The following TPP2 variants were observed in gnomAD, a reference collection of about 807,000 sequenced individuals.
TPP2 encodes tripeptidyl peptidase 2.
A neutral mutation model predicts 155.9 loss-of-function variants in TPP2; 34 were observed. That is an observed-to-expected ratio of 0.22 (90% confidence interval 0.17 to 0.29). The LOEUF is 0.29. Ranked by LOEUF, TPP2 falls within the 10% of genes least tolerant of loss-of-function variation. TPP2 has a pLI of 1.00. For missense variants in TPP2, 1,028 were observed against 1,522.3 expected, an observed-to-expected ratio of 0.68 and a Z score of 5.40; for synonymous variants, 510 against 529.4, an observed-to-expected ratio of 0.96 and a Z score of 0.50.
intron 29 of TPP2, 148 bp downstream of exon 29, chr13:102,676,563 A>G: frequency 1.0e-6 from 1 of 987,528 alleles, no homozygotes; most frequent in Non-Finnish European, 1.4e-6. Context: ...GAACTATAGA[A>G]TAAATATATG....
At chr13:102,641,939 G>A (rs651378) in intron 16 of TPP2, among the ~76,000 whole-genome samples, 75,220 of 151,846 alleles carry the variant, frequency 0.5, 19,048 homozygotes, top group African/African-American at 0.6. Flanking sequence ...CAGAGGCCTT[G>A]AGAGCATCTA....
At chr13:102,640,231 A>C in intron 15 of TPP2, 39 bp from the exon 16 acceptor site, 1 of 1,410,386 alleles carries the variant, frequency 7.1e-7, no homozygotes, top group Non-Finnish European at 9.7e-7. Context: ...GTGGTCTTAT[A>C]ATAAATATAT....
In TPP2 at chr13:102,643,364, T is replaced by A; in HGVS notation, c.2163T>A (p.Ala721=). ...SLPEKGTLTE[A]FPVLGGKAIE... ...CAGAGAAAGGAACACTGACTGAAGC[T>A]TTTCCTGTCCTAGTAAGTTTAATTA... The change falls in exon 17 of 30, where the codon GCT becomes GCA. Residue 721 remains alanine (A), a synonymous_variant. Coordinates refer to ENST00000376052, the MANE Select transcript of TPP2 (RefSeq NM_001330588.2). The A allele has an allele frequency of 6.2e-7, 1 of 1,601,232 alleles. No homozygotes were observed. The highest frequency in any genetic ancestry group is 8.5e-7 in the Non-Finnish European group (1 of 1,176,510).
intron 5 of TPP2, 24 bp from the exon 6 acceptor site, chr13:102,622,853 T>C: frequency 6.3e-7 from 1 of 1,582,756 alleles, no homozygotes; most frequent in Non-Finnish European, 8.5e-7. Context: ...AATTTTACTG[T>C]CTCCATTTCT....
intron 6 of TPP2, among the ~76,000 whole-genome samples, chr13:102,624,745 G>T (rs149967796): frequency 6.6e-6 from 1 of 150,788 alleles, no homozygotes; most frequent in Non-Finnish European, 1.5e-5. Context: ...ATTGATGGAC[G>T]TTTAGATTGT....
At chr13:102,603,503 TAAAG>T (rs912027564) in intron 1 of TPP2, among the ~76,000 whole-genome samples, 1 of 152,002 alleles carries the variant, frequency 6.6e-6, no homozygotes, top group Non-Finnish European at 1.5e-5. Flanking sequence ...ACTGAAGAGA[TAAAG>T]AATTCTAGGC....
chr13:102,667,960 G>A (rs756454181), intron 27 of TPP2: 8 of 247,326 alleles, frequency 3.2e-5, no homozygotes, highest in Admixed American at 6.5e-5. Flanking sequence ...CTGAGCCAGC[G>A]ACGCTCACAT....
intron 27 of TPP2, among the ~76,000 whole-genome samples, chr13:102,667,181 A>G (rs180887142): frequency 1.4e-5 from 2 of 143,652 alleles, no homozygotes; most frequent in Non-Finnish European, 3.0e-5. Context: ...CAGTAACATC[A>G]AAAATTGTAA....
At position 102,622,991 on chromosome 13, in the gene TPP2, C is replaced by G; in HGVS notation, c.735C>G (p.Ser245=). ...SFGTAEMLNY[S]VNIYDDGNLL... ...GCACAGCTGAGATGTTGAATTACTC[C>G]GTTAATATATACGATGATGGAAACC... The change falls in exon 6 of 30, where the codon TCC becomes TCG. Residue 245 remains serine, a synonymous_variant. Transcript: ENST00000376052. 1 of 1,613,900 alleles carries G rather than the reference C, an allele frequency of 6.2e-7. No individual in the cohort carries two copies. Among genetic ancestry groups the G allele is most frequent in the Non-Finnish European group, 8.5e-7 (1 of 1,179,978 alleles).
chr13:102,603,875 T>TAGG (rs10665854), intron 1 of TPP2, among the ~76,000 whole-genome samples: 98,092 of 151,686 alleles, frequency 0.65, 33,040 homozygotes, highest in African/African-American at 0.85. Flanking sequence ...AGGGACCACT[T>TAGG]AGGTAATTCA....
chr13:102,632,205 T>TTTTTTGAA (rs1434375274), intron 10 of TPP2, among the ~76,000 whole-genome samples: 3 of 152,148 alleles, frequency 2.0e-5, no homozygotes, highest in Non-Finnish European at 4.4e-5. Context: ...TTAACTGGCT[T>TTTTTTGAA]TTTTTGAATT....
At chr13:102,617,105 A>G (rs1055163927) in intron 4 of TPP2, among the ~76,000 whole-genome samples, 54 of 151,390 alleles carry the variant, frequency 3.6e-4, no homozygotes, top group East Asian at 1.9e-3. Context: ...TAGTAGAGAC[A>G]GGGTTTCACC....
intron 1 of TPP2, among the ~76,000 whole-genome samples, chr13:102,597,886 A>G (rs907559750): frequency 5.9e-5 from 9 of 151,872 alleles, no homozygotes; most frequent in Admixed American, 3.9e-4. Flanking sequence ...GCTTAGGGTC[A>G]TTGAATCTTG....
At chr13:102,630,784 G>A (rs901239327) in intron 10 of TPP2, among the ~76,000 whole-genome samples, 9 of 152,120 alleles carry the variant, frequency 5.9e-5, no homozygotes, top group African/African-American at 1.7e-4. Context: ...GTAATTCTTC[G>A]TTATATCATC....
chr13:102,641,920 C>A (rs1208682484), intron 16 of TPP2, among the ~76,000 whole-genome samples: 1 of 152,100 alleles, frequency 6.6e-6, no homozygotes, highest in Non-Finnish European at 1.5e-5. Context: ...TAGACAAGGA[C>A]CCTGCTTCCA....
intron 20 of TPP2, among the ~76,000 whole-genome samples, chr13:102,646,642 T>TG (rs1310434080): frequency 6.6e-6 from 1 of 152,214 alleles, no homozygotes; most frequent in African/African-American, 2.4e-5. Context: ...CACTGATCAC[T>TG]GTCCATTGGT....
chr13:102,669,342 G>A (rs1884817059), intron 27 of TPP2, among the ~76,000 whole-genome samples: 1 of 152,138 alleles, frequency 6.6e-6, no homozygotes, highest in Non-Finnish European at 1.5e-5. Flanking sequence ...CCTGTGGATT[G>A]TTGGATGTTC....
At chr13:102,616,783 C>T (rs1880766940) in intron 4 of TPP2, among the ~76,000 whole-genome samples, 1 of 152,204 alleles carries the variant, frequency 6.6e-6, no homozygotes, top group African/African-American at 2.4e-5. Context: ...TTCTCTTGTG[C>T]CCCTTCCTTG....
At chr13:102,663,620 A>T in intron 25 of TPP2, 28 bp from the exon 26 acceptor site, 1 of 1,502,872 alleles carries the variant, frequency 6.7e-7, no homozygotes, top group Non-Finnish European at 9.0e-7. Flanking sequence ...GAAAAAAGTA[A>T]ATATTTCTCT....
Sources: gnomAD v4.1 joint callset for allele counts (sites outside exome capture counted in the v4.1 genomes callset) on GRCh38, gnomAD v4.1.1 for gene constraint, MANE v1.5 for transcripts, NCBI Gene and HGNC (gene_info 2026-07-23, HGNC 2026-07-21) for gene names.